Variants in SLC35F4 observed in about 807,000 individuals in gnomAD.
SLC35F4 encodes the protein solute carrier family 35 member F4, also known as chromosome 14 open reading frame 36.
In SLC35F4, 24 loss-of-function variants were observed where a neutral mutation model predicts 44.2. The ratio of observed to expected loss-of-function variants is 0.54; its 90% CI spans 0.39 to 0.76. The LOEUF (loss-of-function observed/expected upper bound fraction) is 0.76, where lower values mean the gene tolerates loss of function less well. Ranked by LOEUF, SLC35F4 falls within the 30% of genes least tolerant of loss-of-function variation. SLC35F4 has a pLI of 0.00. For synonymous variants in SLC35F4, 238 were observed against 223.6 expected, an observed-to-expected ratio of 1.06 and a Z score of -0.57; for missense variants, 562 against 586.1, an observed-to-expected ratio of 0.96 and a Z score of 0.42.
chr14:57,777,064 C>T (rs527574137), intron 1 of SLC35F4, among the ~76,000 whole-genome samples: 40 of 152,290 alleles, frequency 2.6e-4, no homozygotes, highest in African/African-American at 9.6e-4. Flanking sequence ...TAACTAACAA[C>T]ACGATGACAG....
intron 1 of SLC35F4, among the ~76,000 whole-genome samples, chr14:57,737,225 T>C (rs1258150710): frequency 1.3e-5 from 2 of 152,024 alleles, no homozygotes; most frequent in Non-Finnish European, 2.9e-5. Flanking sequence ...AAGCAATATG[T>C]GCTACTATGG....
chr14:57,936,626 A>G (rs1302419141), intron 1 of SLC35F4, among the ~76,000 whole-genome samples: 1 of 152,220 alleles, frequency 6.6e-6, no homozygotes, highest in Non-Finnish European at 1.5e-5. Context: ...GCTGCTAAAC[A>G]TCCTACAATG....
At chr14:57,887,767 C>A (rs1888680319) in intron 1 of SLC35F4, among the ~76,000 whole-genome samples, 1 of 152,174 alleles carries the variant, frequency 6.6e-6, no homozygotes, top group Admixed American at 6.5e-5. Flanking sequence ...TGTGCACAGC[C>A]TCTTCTGGGC....
intron 1 of SLC35F4, among the ~76,000 whole-genome samples, chr14:57,961,201 C>T (rs552271673): frequency 6.6e-6 from 1 of 152,274 alleles, no homozygotes; most frequent in South Asian, 2.1e-4. Flanking sequence ...CTGGCTTCCT[C>T]GTACCCCACA....
intron 1 of SLC35F4, among the ~76,000 whole-genome samples, chr14:57,597,364 G>T (rs2070551272): frequency 6.6e-6 from 1 of 152,206 alleles, no homozygotes; most frequent in African/African-American, 2.4e-5. Flanking sequence ...ATTTGGCCCA[G>T]AAGGAGAATA....
chr14:57,628,220 G>T (rs1189395429), intron 1 of SLC35F4, among the ~76,000 whole-genome samples: 2 of 140,630 alleles, frequency 1.4e-5, no homozygotes, highest in Non-Finnish European at 3.1e-5. Context: ...AAAAGACATC[G>T]CTGATGCTTT....
chr14:57,616,959 A>G (rs959962684), intron 1 of SLC35F4, among the ~76,000 whole-genome samples: 11 of 151,816 alleles, frequency 7.2e-5, no homozygotes, highest in African/African-American at 2.7e-4. Flanking sequence ...AGCCACAGAC[A>G]CTGCATTATA....
At chr14:57,902,787 T>C (rs1889030133) in intron 1 of SLC35F4, among the ~76,000 whole-genome samples, 1 of 152,180 alleles carries the variant, frequency 6.6e-6, no homozygotes, top group South Asian at 2.1e-4. Flanking sequence ...CCCTACTTAC[T>C]CTTGAATGCT....
At chr14:57,733,401 G>A (rs1160445891) in intron 1 of SLC35F4, among the ~76,000 whole-genome samples, 1 of 147,092 alleles carries the variant, frequency 6.8e-6, no homozygotes, top group Non-Finnish European at 1.5e-5. Flanking sequence ...ACCAAAAACT[G>A]GCCATACTTC....
At chr14:57,722,042 G>A (rs572769855) in intron 1 of SLC35F4, among the ~76,000 whole-genome samples, 2 of 152,222 alleles carry the variant, frequency 1.3e-5, no homozygotes, top group South Asian at 2.1e-4. Context: ...CCATGAGGAG[G>A]TACACTACAC....
chr14:57,873,659 T>G (rs931963569), intron 1 of SLC35F4, among the ~76,000 whole-genome samples: 3 of 152,118 alleles, frequency 2.0e-5, no homozygotes, highest in Non-Finnish European at 4.4e-5. Context: ...AAAATGGTGA[T>G]AAGAGGAGTG....
intron 1 of SLC35F4, among the ~76,000 whole-genome samples, chr14:57,595,193 A>T (rs1001062322): frequency 6.6e-6 from 1 of 152,202 alleles, no homozygotes; most frequent in Non-Finnish European, 1.5e-5. Context: ...TAACCTTGAC[A>T]GTTCTAAAGA....
At chr14:57,916,048 T>C (rs1326655323) in intron 1 of SLC35F4, among the ~76,000 whole-genome samples, 1 of 152,160 alleles carries the variant, frequency 6.6e-6, no homozygotes. Context: ...AAATGGGTAA[T>C]TTATAAAGAA....
intron 1 of SLC35F4, among the ~76,000 whole-genome samples, chr14:57,821,098 C>A (rs143403932): frequency 1.3e-5 from 2 of 152,290 alleles, no homozygotes; most frequent in East Asian, 3.9e-4. Flanking sequence ...CCTGTTCTGT[C>A]ATTGTCGTGT....
At chr14:57,956,914 A>G (rs1425379722) in intron 1 of SLC35F4, among the ~76,000 whole-genome samples, 1 of 152,168 alleles carries the variant, frequency 6.6e-6, no homozygotes, top group Admixed American at 6.5e-5. Flanking sequence ...CAGAAATACC[A>G]TTTGACCCAG....
intron 1 of SLC35F4, among the ~76,000 whole-genome samples, chr14:57,894,010 G>T (rs1203842996): frequency 6.6e-6 from 1 of 152,096 alleles, no homozygotes; most frequent in African/African-American, 2.4e-5. Flanking sequence ...CTGAAGTACA[G>T]TTAGATCACG....
chr14:57,980,298 C>G (rs147145544), intron 1 of SLC35F4, among the ~76,000 whole-genome samples: 1 of 152,104 alleles, frequency 6.6e-6, no homozygotes, highest in Non-Finnish European at 1.5e-5. Context: ...TGTCAGGAAC[C>G]CTGAGGCTAG....
At chr14:57,939,168 G>A (rs749780681) in intron 1 of SLC35F4, among the ~76,000 whole-genome samples, 1 of 151,914 alleles carries the variant, frequency 6.6e-6, no homozygotes, top group Non-Finnish European at 1.5e-5. Flanking sequence ...AAGCTGCCCT[G>A]GGTTTCTGTG....
At chr14:57,632,475 T>C (rs2072829584) in intron 1 of SLC35F4, among the ~76,000 whole-genome samples, 1 of 152,094 alleles carries the variant, frequency 6.6e-6, no homozygotes, top group East Asian at 1.9e-4. Flanking sequence ...TACTAACTTC[T>C]TAAAAAATAG....
Sources: gnomAD v4.1 joint callset for allele counts (sites outside exome capture counted in the v4.1 genomes callset) on GRCh38, gnomAD v4.1.1 for gene constraint, MANE v1.5 for transcripts, NCBI Gene and HGNC (gene_info 2026-07-23, HGNC 2026-07-21) for gene names.